ABCG8: variants seen among roughly 807,000 people sequenced by gnomAD.
The protein encoded by ABCG8 is ATP-binding cassette sub-family G member 8.
A neutral mutation model predicts 71.3 loss-of-function variants in ABCG8; 81 were observed. That is an observed-to-expected ratio of 1.14 (90% CI 0.95 to 1.37). The LOEUF (loss-of-function observed/expected upper bound fraction) is 1.37. Ranked by LOEUF, ABCG8 falls within the 40% of genes most tolerant of loss-of-function variation. The probability of loss-of-function intolerance (pLI) is 0.00; values close to 1 mark genes in which losing one functional copy is unlikely to be tolerated. For missense variants in ABCG8, 1,119 were observed against 866.2 expected (o/e 1.29, Z -3.66); for synonymous variants, 451 against 354.7 (o/e 1.27, Z -3.05).
chr2:43,858,492 C>T (rs1004135651), intron 6 of ABCG8, among the ~76,000 whole-genome samples: 12 of 151,032 alleles, frequency 7.9e-5, no homozygotes, highest in African/African-American at 2.9e-4. Flanking sequence ...AATTGTCATT[C>T]TCTGAATAGT....
chr2:43,865,396 A>G (rs1669491780), intron 6 of ABCG8, among the ~76,000 whole-genome samples: 1 of 151,502 alleles, frequency 6.6e-6, no homozygotes, highest in Admixed American at 6.6e-5. Context: ...TCTGCATGGA[A>G]CTCTCACTAT....
chr2:43,870,283 A>G (rs1013388110), intron 6 of ABCG8, among the ~76,000 whole-genome samples: 12 of 151,230 alleles, frequency 7.9e-5, no homozygotes, highest in Admixed American at 6.6e-4. Context: ...CAATCTGGAT[A>G]GAATTCTCAC....
rs563258093 is a variant in ABCG8, at chr2:43,872,652, A to G, written c.1211+346A>G. ...CTTGATTCCTGGAGGTGGAGGCTGC[A>G]GTGAGCCGTGATTGCACCTTCACTC... On this transcript the variant is annotated intron_variant, in intron 8 of 12. Transcript: ENST00000272286. 3.3e-4 allele frequency among the ~76,000 whole-genome samples: 51 copies of G among 152,290 alleles called. No homozygotes were observed. The South Asian group carries it at 9.9e-3, about 30-fold the overall frequency.
In ABCG8 at chr2:43,871,865, G is replaced by T. The variant is rs942408097; in HGVS notation, c.965-111G>T. The T allele has an allele frequency of 3.4e-6, 5 of 1,477,414 alleles. No homozygotes were observed. In the Admixed American group the frequency reaches 9.3e-5, roughly 28 times the overall value. The allele number at this position is 1,477,414 out of a possible 1,614,324, so 91.5% of individuals were successfully genotyped here. A position where few individuals can be genotyped will look rare whatever the true frequency, so the allele number is the denominator to read the frequency against. ...GGCTGAGGGTGGGGAGAATGTCCCA[G>T]AGCCCCACGAGGGGTGATCAGCATT... On this transcript the variant is annotated intron_variant, in intron 6 of 12. Transcript: ENST00000272286.
At chr2:43,855,877 TCTCA>T (rs1220072916) in intron 6 of ABCG8, among the ~76,000 whole-genome samples, 1 of 152,090 alleles carries the variant, frequency 6.6e-6, no homozygotes, top group Non-Finnish European at 1.5e-5. Flanking sequence ...TGTATAGAAC[TCTCA>T]CTATCTGTCT....
chr2:43,881,544 A>C lies in ABCG8; in HGVS notation c.*3631A>C, dbSNP rs1411750873. ...GCCAACATGGCAAAACCCTGCCTCT[A>C]CTAAAAATACAAAAATTAGCTGGGC... On this transcript the variant is annotated 3_prime_UTR_variant, in exon 13 of 13. Coordinates refer to ENST00000272286, the MANE Select transcript of ABCG8 (RefSeq NM_022437.3). The C allele has an allele frequency of 6.6e-6, 1 of 152,232 alleles. No individual in the cohort carries two copies. The highest frequency in any genetic ancestry group is 1.5e-5 in the Non-Finnish European group (1 of 68,070). The allele number at this position is 152,232 out of a possible 1,614,324, so 9.4% of individuals were successfully genotyped here.
rs1360920172 is a variant in ABCG8, at chr2:43,881,794, GTTTA to G, written c.*3885_*3888del. The G allele has an allele frequency of 6.6e-6, 1 of 151,836 alleles. No homozygotes were observed. The highest frequency in any genetic ancestry group is 6.6e-5 in the Admixed American group (1 of 15,260). 9.4% of individuals were successfully genotyped at this position (151,836 alleles called of 1,614,324 possible). A position where few individuals can be genotyped will look rare whatever the true frequency, so the allele number is the denominator to read the frequency against. On this transcript the variant is annotated 3_prime_UTR_variant, in exon 13 of 13. Transcript: ENST00000272286. The stretch of plus-strand genomic sequence containing the variant: ...CTGCATTGCGAAAGGGTAGAGATTT[GTTTA>G]TTTGTCAGTATTGAAAGCATGGCTT...
chr2:43,869,647 G>A (rs1420862462), intron 6 of ABCG8, among the ~76,000 whole-genome samples: 1 of 149,188 alleles, frequency 6.7e-6, no homozygotes, highest in Non-Finnish European at 1.5e-5. Flanking sequence ...CTGTCACCCT[G>A]TGGATAGAAA....
At position 43,880,583 on chromosome 2, in the gene ABCG8, G is replaced by C. The variant is rs1670103440; in HGVS notation, c.*2670G>C. 6.6e-6 allele frequency: 1 copy of C among 151,648 alleles called. No individual in the cohort carries two copies. The highest frequency in any genetic ancestry group is 2.1e-4 in the South Asian group (1 of 4,800). The allele number at this position is 151,648 out of a possible 1,614,324, so 9.4% of individuals were successfully genotyped here. On this transcript the variant is annotated 3_prime_UTR_variant, in exon 13 of 13. Coordinates refer to ENST00000272286, the MANE Select transcript of ABCG8 (RefSeq NM_022437.3). Reference sequence around the variant, plus strand: ...GGTATTTAGAAGCCAAGGTTTTGGTGATAAGTATGCTCTTTGCTTGTGGAA... The same window carrying C: ...GGTATTTAGAAGCCAAGGTTTTGGTCATAAGTATGCTCTTTGCTTGTGGAA...
chr2:43,849,538 G>C (rs1377276034), intron 3 of ABCG8, among the ~76,000 whole-genome samples: 1 of 152,132 alleles, frequency 6.6e-6, no homozygotes, highest in African/African-American at 2.4e-5. Flanking sequence ...TTACAATTTC[G>C]GATGAGATTC....
chr2:43,874,511 C>A, intron 10 of ABCG8, 28 bp downstream of exon 10: 1 of 1,432,502 alleles, frequency 7.0e-7, no homozygotes, highest in African/African-American at 2.3e-5. Context: ...AGAGCAAGTG[C>A]CCCCCACCCA....
At position 43,873,843 on chromosome 2, in the gene ABCG8, A is replaced by T; in HGVS notation, c.1268A>T (p.Glu423Val). Reference protein sequence around the residue: ...DLPTLLIHGAEACLMSMTIGF... With the variant: ...DLPTLLIHGAVACLMSMTIGF... The stretch of plus-strand genomic sequence containing the variant: ...CCCACCCTCCTCATCCATGGGGCGG[A>T]GGCCTGTCTGATGTCAATGACCATC... Residue 423 changes from glutamate to valine, a missense_variant, in exon 9 of 13, where the codon GAG becomes GTG. Transcript: ENST00000272286. 6.2e-7 allele frequency: 1 copy of T among 1,613,888 alleles called. No homozygotes were observed. Among genetic ancestry groups the T allele is most frequent in the Non-Finnish European group, 8.5e-7 (1 of 1,179,968 alleles).
intron 6 of ABCG8, among the ~76,000 whole-genome samples, chr2:43,863,102 A>G (rs1669387932): frequency 6.6e-6 from 1 of 150,706 alleles, no homozygotes; most frequent in Non-Finnish European, 1.5e-5. Flanking sequence ...TAGAACTCTC[A>G]CTATCTATCT....
rs1670023309 is a variant in ABCG8 at position 43,878,096 on chromosome 2, C to A, written c.*183C>A. The stretch of plus-strand genomic sequence containing the variant: ...AGGATGGCAGTAGAATAAAGACAGT[C>A]GAAAGGGATTTCTGCTCACTGGCAG... On this transcript the variant is annotated 3_prime_UTR_variant, in exon 13 of 13. Transcript: ENST00000272286. 1.2e-6 allele frequency: 1 copy of A among 841,356 alleles called. No homozygotes were observed. Among genetic ancestry groups the A allele is most frequent in the Non-Finnish European group, 1.9e-6 (1 of 529,252 alleles). 52.1% of individuals were successfully genotyped at this position (841,356 alleles called of 1,614,324 possible).
chr2:43,850,846 A>G (rs1668890181), intron 3 of ABCG8, among the ~76,000 whole-genome samples: 2 of 150,708 alleles, frequency 1.3e-5, no homozygotes, highest in African/African-American at 4.9e-5. Context: ...GGAGGCAGAG[A>G]TTGCAGTGAG....
chr2:43,871,770 C>G (rs758492239), intron 6 of ABCG8, among the ~76,000 whole-genome samples: 12 of 152,238 alleles, frequency 7.9e-5, no homozygotes, highest in Non-Finnish European at 1.8e-4. Flanking sequence ...CAGATGTGGT[C>G]AGGCCTGGCA....
chr2:43,844,377 T>C lies in ABCG8; in HGVS notation c.64-130T>C, dbSNP rs1291742678. ...CTGAGGTTCCACCTGTGCAATCCCA[T>C]CTGTTGCCAATTTGAGATTTAACCA... On this transcript the variant is annotated intron_variant, in intron 1 of 12. Coordinates refer to ENST00000272286, the MANE Select transcript of ABCG8 (RefSeq NM_022437.3). The C allele has an allele frequency of 1.1e-5, 8 of 733,464 alleles. No homozygotes were observed. In the African/African-American group the frequency reaches 1.4e-4, roughly 13 times the overall value. The allele number at this position is 733,464 out of a possible 1,614,324, so 45.4% of individuals were successfully genotyped here.
intron 6 of ABCG8, 66 bp downstream of exon 6, chr2:43,852,934 C>G (rs912293080): frequency 5.9e-5 from 94 of 1,580,888 alleles, no homozygotes; most frequent in Non-Finnish European, 7.9e-5. Context: ...TAAACCCTGC[C>G]CAAGCTTGCT....
intron 6 of ABCG8, among the ~76,000 whole-genome samples, chr2:43,860,740 T>G (rs1669283856): frequency 6.6e-6 from 1 of 151,446 alleles, no homozygotes; most frequent in South Asian, 2.1e-4. Flanking sequence ...ACTATCTGGA[T>G]AGAATTCTTA....
Sources: allele counts gnomAD v4.1 joint callset (sites outside exome capture counted in the v4.1 genomes callset), GRCh38; gene constraint gnomAD v4.1.1; transcripts MANE v1.5; gene names NCBI Gene and HGNC (gene_info 2026-07-23, HGNC 2026-07-21).